RBFOX1: variants seen among roughly 807,000 people sequenced by gnomAD.
RBFOX1 encodes RNA binding fox-1 homolog 1.
In RBFOX1, 8 loss-of-function variants were observed where a neutral mutation model predicts 57.7. That is an observed-to-expected ratio of 0.14 (90% CI 0.08 to 0.25). RBFOX1 has a LOEUF of 0.25. RBFOX1 is among the 10% of genes least tolerant of loss of function. The probability of loss-of-function intolerance (pLI) is 1.00; values close to 1 mark genes in which losing one functional copy is unlikely to be tolerated. For synonymous variants in RBFOX1, 326 were observed against 222.4 expected (o/e 1.47, Z -4.15); for missense variants, 611 against 548.5 (o/e 1.11, Z -1.14).
chr16:7,319,447 C>T (rs1029316759), intron 4 of RBFOX1, among the ~76,000 whole-genome samples: 5 of 152,100 alleles, frequency 3.3e-5, no homozygotes, highest in Non-Finnish European at 5.9e-5. Flanking sequence ...AAAAAGAAGA[C>T]GTGGAGGGTG....
In RBFOX1 at chr16:6,887,892, C is replaced by T. The variant is rs191842936; in HGVS notation, c.-15-164165C>T. Among the ~76,000 whole-genome samples the T allele has an allele frequency of 1.3e-5, 2 of 152,112 alleles. 1 individual carries two copies. Among genetic ancestry groups the T allele is most frequent in the Non-Finnish European group, 2.9e-5 (2 of 68,022 alleles). ...GGCCAGGCTGGTCTCGAACTCCAGACTTCAAGTGATCCACCCGTCATGGCC... is the reference window on the plus strand; with the variant it reads ...GGCCAGGCTGGTCTCGAACTCCAGATTTCAAGTGATCCACCCGTCATGGCC... On this transcript the variant is annotated intron_variant, in intron 3 of 15. Coordinates refer to ENST00000550418, the MANE Select transcript of RBFOX1 (RefSeq NM_018723.4).
intron 3 of RBFOX1, among the ~76,000 whole-genome samples, chr16:6,940,920 G>C (rs1294676352): frequency 1.3e-5 from 2 of 149,276 alleles, no homozygotes; most frequent in Non-Finnish European, 2.9e-5. Context: ...CTTTAGCCAG[G>C]ATGGTTTCGA....
At chr16:6,522,724 T>C (rs192721054) in intron 2 of RBFOX1, among the ~76,000 whole-genome samples, 1 of 152,290 alleles carries the variant, frequency 6.6e-6, no homozygotes, top group Non-Finnish European at 1.5e-5. Context: ...GATATTTTGG[T>C]AAAGGAGACT....
At chr16:7,026,017 C>G (rs185456199) in intron 3 of RBFOX1, among the ~76,000 whole-genome samples, 23 of 152,136 alleles carry the variant, frequency 1.5e-4, no homozygotes, top group African/African-American at 4.8e-4. Flanking sequence ...GGATCAGACC[C>G]CAGACCAAGA....
At chr16:5,475,511 C>T (rs2069290675) in intron 2 of RBFOX1, among the ~76,000 whole-genome samples, 1 of 152,220 alleles carries the variant, frequency 6.6e-6, no homozygotes, top group Non-Finnish European at 1.5e-5. Flanking sequence ...GCATTGTCAA[C>T]TATAATTGGG....
At chr16:7,336,319 C>T (rs1186557571) in intron 4 of RBFOX1, among the ~76,000 whole-genome samples, 2 of 152,204 alleles carry the variant, frequency 1.3e-5, no homozygotes, top group Non-Finnish European at 2.9e-5. Flanking sequence ...TGGACCCTCA[C>T]CCCTCAATCT....
chr16:5,769,492 A>G (rs1231785168), intron 3 of RBFOX1, among the ~76,000 whole-genome samples: 1 of 151,842 alleles, frequency 6.6e-6, no homozygotes, highest in Non-Finnish European at 1.5e-5. Flanking sequence ...AAATACAAAA[A>G]AAAAAAAAAA....
At chr16:7,473,192 G>A (rs561529983) in intron 4 of RBFOX1, among the ~76,000 whole-genome samples, 1 of 152,134 alleles carries the variant, frequency 6.6e-6, no homozygotes, top group Admixed American at 6.5e-5. Flanking sequence ...CAGCCTGGGA[G>A]CATGGCAAAA....
rs766479817 is a variant in RBFOX1 at position 7,546,822 on chromosome 16, T to C, written c.270+28433T>C. 2.0e-5 allele frequency among the ~76,000 whole-genome samples: 3 copies of C among 152,226 alleles called. No homozygotes were observed. The South Asian group carries it at 6.2e-4, about 31-fold the overall frequency. On this transcript the variant is annotated intron_variant, in intron 5 of 15. Coordinates refer to ENST00000550418, the MANE Select transcript of RBFOX1 (RefSeq NM_018723.4). ...GGACACTTAAATTTTTTCCCATTTT[T>C]CACTGTGACAAATATCACCTTGATG...
intron 1 of RBFOX1, among the ~76,000 whole-genome samples, chr16:6,156,735 C>G (rs1026002554): frequency 7.9e-5 from 12 of 152,162 alleles, no homozygotes; most frequent in African/African-American, 2.2e-4. Context: ...TGGGTGAAAC[C>G]AGAGACGTGC....
intron 2 of RBFOX1, among the ~76,000 whole-genome samples, chr16:6,366,085 ATGTGTGTGTGTGTG>A (rs71145219): frequency 4.6e-4 from 66 of 144,420 alleles, no homozygotes; most frequent in African/African-American, 1.6e-3. Flanking sequence ...TGGCCATTCT[ATGTGTGTGTGTGTG>A]TGTGTGTGTG....
At position 5,825,261 on chromosome 16, in the gene RBFOX1, T is replaced by G. The variant is rs142707246; in HGVS notation, c.319-42042T>G. ...GAAGGCAGCCCCGTTGGGGAAGGAATGAGCAGTACCAGGAACCCCAGGTTC... is the reference window on the plus strand; with the variant it reads ...GAAGGCAGCCCCGTTGGGGAAGGAAGGAGCAGTACCAGGAACCCCAGGTTC... On this transcript the variant is annotated intron_variant, in intron 3 of 19. Coordinates refer to the RBFOX1 transcript ENST00000641259. Among the ~76,000 whole-genome samples the G allele has an allele frequency of 1.9e-3, 282 of 152,344 alleles. 2 individuals are homozygous for G. The highest frequency in any genetic ancestry group is 2.9e-3 in the Non-Finnish European group (197 of 68,034).
chr16:6,901,717 C>A (rs572853181), intron 3 of RBFOX1, among the ~76,000 whole-genome samples: 4 of 152,234 alleles, frequency 2.6e-5, no homozygotes, highest in Admixed American at 2.0e-4. Flanking sequence ...CATGGAAGCT[C>A]ATTTGCTTAT....
chr16:7,427,798 C>A (rs1375317577), intron 4 of RBFOX1, among the ~76,000 whole-genome samples: 1 of 152,018 alleles, frequency 6.6e-6, no homozygotes, highest in African/African-American at 2.4e-5. Flanking sequence ...GGATTACAGG[C>A]ATGTGCTACC....
At chr16:7,320,768 G>A (rs775283527) in intron 4 of RBFOX1, among the ~76,000 whole-genome samples, 5 of 152,106 alleles carry the variant, frequency 3.3e-5, no homozygotes, top group Non-Finnish European at 7.4e-5. Flanking sequence ...CTTACAAATG[G>A]GTGCAAGCCC....
chr16:5,242,960 G>A (rs1159427937), intron 1 of RBFOX1, among the ~76,000 whole-genome samples: 1 of 143,454 alleles, frequency 7.0e-6, no homozygotes, highest in Non-Finnish European at 1.5e-5. Context: ...CTGCTGCAGG[G>A]CATGTGATTA....
At chr16:6,944,564 A>G (rs182620583) in intron 3 of RBFOX1, among the ~76,000 whole-genome samples, 99 of 152,238 alleles carry the variant, frequency 6.5e-4, no homozygotes, top group Non-Finnish European at 1.2e-3. Context: ...ACCTCTTAGG[A>G]AATGTGTACA....
At chr16:6,649,246 A>C (rs1160708155) in intron 2 of RBFOX1, among the ~76,000 whole-genome samples, 3 of 152,178 alleles carry the variant, frequency 2.0e-5, no homozygotes, top group African/African-American at 7.2e-5. Flanking sequence ...CTCCAGGTTC[A>C]TCCATGTCAT....
intron 1 of RBFOX1, chr16:5,467,095 G>T (rs931304813): frequency 2.6e-6 from 3 of 1,174,494 alleles, no homozygotes; most frequent in Non-Finnish European, 3.5e-6. Context: ...TTTTGAGAAT[G>T]AATGAATAAA....
Sources: allele counts gnomAD v4.1 joint callset (sites outside exome capture counted in the v4.1 genomes callset), GRCh38; gene constraint gnomAD v4.1.1; transcripts MANE v1.5; gene names NCBI Gene and HGNC (gene_info 2026-07-23, HGNC 2026-07-21).